Variants in MTX1 observed in about 807,000 individuals in gnomAD.
MTX1 encodes the protein metaxin-1.
A neutral mutation model predicts 39.4 loss-of-function variants in MTX1; 20 were observed. The ratio of observed to expected loss-of-function variants is 0.51; its 90% CI spans 0.36 to 0.74. The LOEUF is 0.74. Among genes scored for constraint, MTX1 ranks in the 30% least tolerant of loss-of-function variants. The pLI is 0.00. For synonymous variants in MTX1, 209 were observed against 198.6 expected (o/e 1.05, Z -0.44); for missense variants, 481 against 485.9 (o/e 0.99, Z 0.10).
chr1:155,209,636 T>C (rs1490317805), intron 1 of MTX1, among the ~76,000 whole-genome samples: 1 of 152,196 alleles, frequency 6.6e-6, no homozygotes, highest in Non-Finnish European at 1.5e-5. Context: ...TTTTTCTCCA[T>C]TCGGAGGTTT....
In MTX1 at chr1:155,210,396, C is replaced by A. The variant is rs766579470; in HGVS notation, c.579C>A (p.Asn193Lys). ...GAPLKVHKIS[N>K]PWQSPSGTLP... is the part of the protein sequence containing the mutation. ...CACTGAAGGTACACAAGATCAGCAA[C>A]CCCTGGCAGAGCCCTTCAGGTACCC... Residue 193 changes from asparagine to lysine, a missense_variant, in exon 2 of 8, where the codon AAC (asparagine) becomes AAA (lysine). By Grantham distance (94) the Asn-to-Lys change is moderately conservative (BLOSUM62 0). Transcript: ENST00000368376. The A allele has an allele frequency of 5.6e-6, 9 of 1,614,204 alleles. No homozygotes were observed. In the Admixed American group the frequency reaches 8.3e-5, roughly 15 times the overall value.
chr1:155,210,530 C>T lies in MTX1; in HGVS notation c.599-18C>T. 2 of 1,613,576 alleles carry T rather than the reference C, an allele frequency of 1.2e-6. No individual in the cohort carries two copies. Among genetic ancestry groups the T allele is most frequent in the Non-Finnish European group, 1.7e-6 (2 of 1,179,450 alleles). ...GGCAGCTAAGGGTCTGGTTGGTATA[C>T]TTCCCTCTCAATATCAGGAACTCTG... On this transcript the variant is annotated intron_variant, in intron 2 of 7. Transcript: ENST00000368376.
At chr1:155,211,986 G>T in intron 3 of MTX1, 141 bp from the exon 4 acceptor site, 1 of 694,444 alleles carries the variant, frequency 1.4e-6, no homozygotes, top group Non-Finnish European at 2.4e-6. Context: ...CAGGCAAGGG[G>T]GCCTTGGCAG....
At chr1:155,211,811 T>G in intron 3 of MTX1, 2 of 226,272 alleles carry the variant, frequency 8.8e-6, no homozygotes, top group Non-Finnish European at 1.8e-5. Context: ...GTTAGAAAGT[T>G]GCCGTCAGCG....
At chr1:155,210,478 G>T in intron 2 of MTX1, 63 bp downstream of exon 2, 1 of 1,605,890 alleles carries the variant, frequency 6.2e-7, no homozygotes, top group Non-Finnish European at 8.5e-7. Context: ...GAAATAGGCA[G>T]GAATGTGTTG....
At chr1:155,212,665 C>T (rs750729755) in intron 5 of MTX1, 29 bp from the exon 6 acceptor site, 2 of 1,612,634 alleles carry the variant, frequency 1.2e-6, no homozygotes, top group East Asian at 2.2e-5. Context: ...GTTCCCACAG[C>T]TGCAAGCCTA....
Position 155,209,274 on chromosome 1 carries a change from T to A in MTX1, c.470T>A (p.Phe157Tyr), listed in dbSNP as rs549800836. 1 of 1,449,676 alleles carries A rather than the reference T, an allele frequency of 6.9e-7. No individual in the cohort carries two copies. The highest frequency in any genetic ancestry group is 1.5e-5 in the South Asian group (1 of 68,028). 89.8% of individuals were successfully genotyped at this position (1,449,676 alleles called of 1,614,324 possible). A position where few individuals can be genotyped will look rare whatever the true frequency, so the allele number is the denominator to read the frequency against. Residue 157 changes from phenylalanine to tyrosine, a missense_variant, in exon 1 of 8, where the codon TTC (phenylalanine) becomes TAC (tyrosine). Transcript: ENST00000368376. ...AAGATGGCGGCGCCCATGGAGCTGT[T>A]CTGCTGGTCAGGGGGCTGGGGGCTG... is the stretch of plus-strand genomic sequence containing the variant. ...VGKMAAPMEL[F>Y]CWSGGWGLPS...
rs746148105 is a variant in MTX1 at position 155,209,232 on chromosome 1, C to T, written c.428C>T (p.Pro143Leu). 2.1e-6 allele frequency: 3 copies of T among 1,451,772 alleles called. No individual in the cohort carries two copies. Among genetic ancestry groups the T allele is most frequent in the East Asian group, 2.5e-5 (1 of 39,468 alleles). 89.9% of individuals were successfully genotyped at this position (1,451,772 alleles called of 1,614,324 possible). A position where few individuals can be genotyped will look rare whatever the true frequency, so the allele number is the denominator to read the frequency against. The change falls in exon 1 of 8, where the codon CCG becomes CTG. Residue 143 changes from proline (P) to leucine (L), a missense_variant. Around this residue, in one of 2 missense-constraint regions of MTX1, gnomAD observed 368 missense variants for 332.8 expected, o/e 1.11. Coordinates refer to ENST00000368376, the MANE Select transcript of MTX1 (RefSeq NM_002455.5). ...GRAEAHKEVF[P>L]GQRVGKMAAP... ...GCAGAAGCACACAAGGAAGTGTTTC[C>T]GGGACAGAGGGTGGGCAAGATGGCG...
intron 6 of MTX1, 100 bp downstream of exon 6, chr1:155,212,870 C>G: frequency 7.0e-7 from 1 of 1,435,164 alleles, no homozygotes; most frequent in Non-Finnish European, 9.3e-7. Flanking sequence ...GGCTCAGGCT[C>G]TGGATAGGAG....
In MTX1 at chr1:155,209,182, G is replaced by T. The variant is rs1413996963; in HGVS notation, c.378G>T (p.Ala126=). The change falls in exon 1 of 8, where the codon GCG becomes GCT. Residue 126 remains alanine (A), a synonymous_variant. Transcript: ENST00000368376. ...CCGCAACGATCGGAGGGGCGGTGGC[G>T]GGGGGCGGGCCCAGGCAGGGGAGGG... ...PLTATIGGAV[A]GGGPRQGRAE... The T allele has an allele frequency of 1.1e-5, 16 of 1,478,712 alleles. No individual in the cohort carries two copies. In the South Asian group the frequency reaches 1.9e-4, roughly 17 times the overall value. 91.6% of individuals were successfully genotyped at this position (1,478,712 alleles called of 1,614,324 possible).
Position 155,212,676 on chromosome 1 carries a change from C to T in MTX1, c.955-18C>T. 3 of 1,612,146 alleles carry T rather than the reference C, an allele frequency of 1.9e-6. No homozygotes were observed. Among genetic ancestry groups the T allele is most frequent in the Non-Finnish European group, 2.5e-6 (3 of 1,179,030 alleles). On this transcript the variant is annotated intron_variant, in intron 5 of 7. Transcript: ENST00000368376. The stretch of plus-strand genomic sequence containing the variant: ...CACTGTTCCCACAGCTGCAAGCCTA[C>T]CTGTGTCGCCCCTACAGCTGTACCG...
rs371540197 is a variant in MTX1 at position 155,208,814 on chromosome 1, G to C, written c.10G>C (p.Gly4Arg). The C allele has an allele frequency of 6.4e-7, 1 of 1,556,138 alleles. No individual in the cohort carries two copies. The highest frequency in any genetic ancestry group is 1.4e-5 in the African/African-American group (1 of 71,796). Reference sequence around the variant, plus strand: ...ACGCGCTGTGGAAAACATGCTGCTCGGGGGACCCCCCCGCAGTCCCCGCTC... The same window carrying C: ...ACGCGCTGTGGAAAACATGCTGCTCCGGGGACCCCCCCGCAGTCCCCGCTC... MLL[G>R]GPPRSPRSGT... The change falls in exon 1 of 8, where the codon GGG (glycine) becomes CGG (arginine). Residue 4 changes from glycine (G) to arginine (R), a missense_variant. Physicochemically the swap from Gly to Arg is moderately radical, Grantham distance 125. Coordinates refer to ENST00000368376, the MANE Select transcript of MTX1 (RefSeq NM_002455.5).
At chr1:155,210,685 A>G (rs1571948301) in intron 3 of MTX1, 58 bp downstream of exon 3, 3 of 1,468,970 alleles carry the variant, frequency 2.0e-6, no homozygotes, top group Non-Finnish European at 2.9e-6. Context: ...ATTCTATACA[A>G]TACACATTTA....
At chr1:155,210,251 G>A in intron 1 of MTX1, 95 bp from the exon 2 acceptor site, 1 of 1,067,334 alleles carries the variant, frequency 9.4e-7, no homozygotes, top group African/African-American at 1.6e-5. Context: ...TATAGGGAAT[G>A]GCACATAAGG....
intron 3 of MTX1, chr1:155,211,218 C>A (rs539022580): frequency 2.0e-5 from 3 of 153,292 alleles, no homozygotes; most frequent in South Asian, 1.9e-4. Context: ...CACTCTTCCT[C>A]ATTTCTAACT....
In MTX1 at chr1:155,209,207, G is replaced by A; in HGVS notation, c.403G>A (p.Ala135Thr). The change falls in exon 1 of 8, where the codon GCA becomes ACA. Residue 135 changes from alanine to threonine, a missense_variant. Transcript: ENST00000368376. ...VAGGGPRQGR[A>T]EAHKEVFPGQ... ...GGGGGGCGGGCCCAGGCAGGGGAGG[G>A]CAGAAGCACACAAGGAAGTGTTTCC... 3 of 1,462,918 alleles carry A rather than the reference G, an allele frequency of 2.1e-6. No individual in the cohort carries two copies. The highest frequency in any genetic ancestry group is 5.4e-5 in the Admixed American group (2 of 37,156). 90.6% of individuals were successfully genotyped at this position (1,462,918 alleles called of 1,614,324 possible). A position where few individuals can be genotyped will look rare whatever the true frequency, so the allele number is the denominator to read the frequency against.
intron 6 of MTX1, among the ~76,000 whole-genome samples, chr1:155,213,012 A>C (rs375166029): frequency 1.3e-5 from 2 of 151,810 alleles, no homozygotes; most frequent in Non-Finnish European, 2.9e-5. Flanking sequence ...GGGGCACTGA[A>C]TGTGCCCTTT....
At position 155,208,946 on chromosome 1, in the gene MTX1, G is replaced by A. The variant is rs1305063398; in HGVS notation, c.142G>A (p.Ala48Thr). ...AAGACCCCGCTCTCCAGAGCCTGCCGCGCCTTCAGGGGTTCGGGGCTCCAC... is the reference window on the plus strand; with the variant it reads ...AAGACCCCGCTCTCCAGAGCCTGCCACGCCTTCAGGGGTTCGGGGCTCCAC... ...RTRPRSPEPAAPSGVRGSTWT... is the reference protein window; with the variant it reads ...RTRPRSPEPATPSGVRGSTWT... The change falls in exon 1 of 8, where the codon GCG (alanine) becomes ACG (threonine). Residue 48 changes from alanine to threonine, a missense_variant. Around this residue, in one of 2 missense-constraint regions of MTX1, gnomAD observed 368 missense variants for 332.8 expected, o/e 1.11. Coordinates refer to ENST00000368376, the MANE Select transcript of MTX1 (RefSeq NM_002455.5). The A allele has an allele frequency of 6.2e-7, 1 of 1,609,764 alleles. No homozygotes were observed. Among genetic ancestry groups the A allele is most frequent in the Non-Finnish European group, 8.5e-7 (1 of 1,179,074 alleles).
chr1:155,211,723 T>A (rs1194230208), intron 3 of MTX1: 1 of 158,280 alleles, frequency 6.3e-6, no homozygotes, highest in Non-Finnish European at 1.4e-5. Flanking sequence ...CTCTGGTTCC[T>A]GAGGCATGGA....
Sources: allele counts gnomAD v4.1 joint callset (sites outside exome capture counted in the v4.1 genomes callset), GRCh38; gene constraint gnomAD v4.1.1; regional missense constraint gnomAD v4.1.1; transcripts MANE v1.5; gene names NCBI Gene and HGNC (gene_info 2026-07-23, HGNC 2026-07-21).